IQCM: variants seen among roughly 807,000 people sequenced by gnomAD.
IQCM encodes the protein IQ domain-containing protein M.
Under a neutral mutation model 57.6 loss-of-function variants are expected in IQCM, and 45 were observed. The observed-to-expected ratio is 0.78, with a 90% CI of 0.62 to 1.00. IQCM has a LOEUF of 1.00. Ranked by LOEUF, IQCM falls within the 50% of genes least tolerant of loss-of-function variation. IQCM has a pLI of 0.00. For missense variants in IQCM, 468 were observed against 511.6 expected (o/e 0.91, Z 0.82); for synonymous variants, 148 against 158.9 (o/e 0.93, Z 0.51).
At chr4:149,389,934 C>G (rs1281972555) in intron 13 of IQCM, among the ~76,000 whole-genome samples, 1 of 151,802 alleles carries the variant, frequency 6.6e-6, no homozygotes, top group Admixed American at 6.6e-5. Flanking sequence ...TCTTCTTTTT[C>G]AAGATTGTTC....
chr4:149,352,564 C>T (rs540673376), intron 13 of IQCM, among the ~76,000 whole-genome samples: 1 of 152,086 alleles, frequency 6.6e-6, no homozygotes, highest in Non-Finnish European at 1.5e-5. Context: ...GCAAATACTA[C>T]CCCATTTTAT....
chr4:149,552,448 C>T (rs1421522837), intron 11 of IQCM, among the ~76,000 whole-genome samples: 1 of 151,966 alleles, frequency 6.6e-6, no homozygotes, highest in Middle Eastern at 3.2e-3. Context: ...CTATCCTAAT[C>T]CTAAGCAATA....
intron 12 of IQCM, among the ~76,000 whole-genome samples, chr4:149,481,701 G>GTTTTTTTTTTTTTTTTTTTGTTTTT (rs1740841793): frequency 7.8e-5 from 4 of 51,550 alleles, no homozygotes; most frequent in African/African-American, 1.5e-4. Context: ...TTCCAGTTTT[G>GTTTTTTTTTTTTTTTTTTTGTTTTT]TTTTTTTTTT....
chr4:149,761,318 G>C (rs892894685), intron 2 of IQCM, among the ~76,000 whole-genome samples: 5 of 151,990 alleles, frequency 3.3e-5, no homozygotes, highest in African/African-American at 9.7e-5. Context: ...CACATGTCCA[G>C]CTCAAAGTCC....
At chr4:149,453,053 A>G (rs1403848057) in intron 12 of IQCM, among the ~76,000 whole-genome samples, 1 of 151,592 alleles carries the variant, frequency 6.6e-6, no homozygotes, top group African/African-American at 2.4e-5. Context: ...AAAAAAAATG[A>G]CAAATAGAAA....
chr4:149,515,360 C>A (rs946905165), intron 12 of IQCM, among the ~76,000 whole-genome samples: 1 of 152,084 alleles, frequency 6.6e-6, no homozygotes, highest in Non-Finnish European at 1.5e-5. Flanking sequence ...ATTCCATCAT[C>A]AAATGGAAGT....
chr4:149,487,024 A>T (rs1445225302), intron 12 of IQCM, among the ~76,000 whole-genome samples: 1 of 152,094 alleles, frequency 6.6e-6, no homozygotes, highest in Admixed American at 6.5e-5. Context: ...CATAGACACC[A>T]CAGCTGGGAA....
At chr4:149,513,069 C>A (rs947685246) in intron 12 of IQCM, among the ~76,000 whole-genome samples, 1 of 152,116 alleles carries the variant, frequency 6.6e-6, no homozygotes, top group African/African-American at 2.4e-5. Flanking sequence ...TACCAGTGAA[C>A]CATAAAGCCT....
chr4:149,726,698 C>T (rs574033739), intron 5 of IQCM, among the ~76,000 whole-genome samples: 263 of 152,112 alleles, frequency 1.7e-3, no homozygotes, highest in African/African-American at 5.2e-3. Flanking sequence ...CCAATTTAAG[C>T]ATCACTATAA....
At chr4:149,641,932 T>C (rs1191744800) in intron 7 of IQCM, among the ~76,000 whole-genome samples, 1 of 152,178 alleles carries the variant, frequency 6.6e-6, no homozygotes, top group East Asian at 1.9e-4. Flanking sequence ...CTTGATTTTG[T>C]ATTCTAAAAA....
At chr4:149,556,283 G>A (rs1749569388) in intron 10 of IQCM, among the ~76,000 whole-genome samples, 1 of 149,742 alleles carries the variant, frequency 6.7e-6, no homozygotes, top group Non-Finnish European at 1.5e-5. Context: ...GTTTGTTTTT[G>A]CTTGATATGG....
intron 7 of IQCM, among the ~76,000 whole-genome samples, chr4:149,647,948 T>G (rs1758792051): frequency 6.6e-6 from 1 of 152,218 alleles, no homozygotes; most frequent in Non-Finnish European, 1.5e-5. Context: ...TCTTTCTCAT[T>G]GCTCTGTGTT....
intron 12 of IQCM, among the ~76,000 whole-genome samples, chr4:149,508,662 G>A (rs1184345939): frequency 6.6e-6 from 1 of 152,208 alleles, no homozygotes; most frequent in Non-Finnish European, 1.5e-5. Context: ...TAAGGGACTT[G>A]CCTTGCCTCA....
At chr4:149,699,538 G>A (rs949073492) in intron 5 of IQCM, among the ~76,000 whole-genome samples, 3 of 151,630 alleles carry the variant, frequency 2.0e-5, no homozygotes, top group Admixed American at 2.0e-4. Context: ...AAAGATAGAG[G>A]CATATATCCC....
intron 13 of IQCM, among the ~76,000 whole-genome samples, chr4:149,373,181 T>C (rs890656817): frequency 6.6e-6 from 1 of 152,164 alleles, no homozygotes; most frequent in South Asian, 2.1e-4. Context: ...CTTTATATGT[T>C]ATTTTATTTT....
At chr4:149,782,680 TA>T (rs76715978) in intron 2 of IQCM, among the ~76,000 whole-genome samples, 225 of 136,040 alleles carry the variant, frequency 1.7e-3, no homozygotes, top group Admixed American at 3.4e-3. Flanking sequence ...ATCCAGAACT[TA>T]AAAAAAAAAA....
chr4:149,762,815 T>C (rs1161463064), intron 2 of IQCM, among the ~76,000 whole-genome samples: 1 of 152,094 alleles, frequency 6.6e-6, no homozygotes, highest in Admixed American at 6.6e-5. Flanking sequence ...TGCTTAATAC[T>C]TTATTTGAAT....
intron 13 of IQCM, among the ~76,000 whole-genome samples, chr4:149,359,531 C>T: frequency 6.6e-6 from 1 of 152,008 alleles, no homozygotes; most frequent in East Asian, 1.9e-4. Context: ...TTAGAAACAA[C>T]ATTTTTGTTT....
At chr4:149,621,344 T>C (rs1451152359) in intron 7 of IQCM, 100 bp from the exon 8 acceptor site, 3 of 442,746 alleles carry the variant, frequency 6.8e-6, no homozygotes, top group African/African-American at 4.0e-5. Flanking sequence ...AAATCATCTT[T>C]ATGGCCTCAC....
Sources: allele counts gnomAD v4.1 joint callset (sites outside exome capture counted in the v4.1 genomes callset), GRCh38; gene constraint gnomAD v4.1.1; transcripts MANE v1.5; gene names NCBI Gene and HGNC (gene_info 2026-07-23, HGNC 2026-07-21).